The following DOCK3 variants were observed in gnomAD, a reference collection of about 807,000 sequenced individuals.
DOCK3 encodes the protein dedicator of cytokinesis protein 3.
DOCK3 carries 60 observed loss-of-function variants against 265.6 expected under a neutral mutation model. That is an observed-to-expected ratio of 0.23 (90% CI 0.18 to 0.28). The LOEUF is 0.28. Among genes scored for constraint, DOCK3 ranks in the 10% least tolerant of loss-of-function variants. The pLI, the probability that DOCK3 is intolerant of heterozygous loss-of-function variation, is 1.00. For missense variants in DOCK3, 1,981 were observed against 2,594.3 expected (o/e 0.76, Z 5.14); for synonymous variants, 881 against 938.0 (o/e 0.94, Z 1.11).
chr3:50,915,798 T>A (rs1017885675), intron 4 of DOCK3, among the ~76,000 whole-genome samples: 1 of 151,998 alleles, frequency 6.6e-6, no homozygotes, highest in Non-Finnish European at 1.5e-5. Context: ...GCATGACTGC[T>A]CTAGGTGACC....
At chr3:51,256,785 G>A (rs906882056) in intron 22 of DOCK3, among the ~76,000 whole-genome samples, 8 of 151,858 alleles carry the variant, frequency 5.3e-5, no homozygotes, top group African/African-American at 1.9e-4. Context: ...AGTAGAGACG[G>A]GGTTTCACCC....
rs1450642282 is a variant in DOCK3 at position 51,048,364 on chromosome 3, A to C, written c.316-16084A>C. Among the ~76,000 whole-genome samples the C allele has an allele frequency of 6.6e-5, 10 of 152,290 alleles. No individual in the cohort carries two copies. The South Asian group carries it at 1.9e-3, about 28-fold the overall frequency. On this transcript the variant is annotated intron_variant, in intron 5 of 52. Coordinates refer to ENST00000266037, the MANE Select transcript of DOCK3 (RefSeq NM_004947.5). ...CCCTTGCCACTATTCAACATGGTAC[A>C]GGTTGAATATCCCTTAGCTGAAATA...
At chr3:50,718,071 G>A (rs2037239967) in intron 1 of DOCK3, among the ~76,000 whole-genome samples, 1 of 152,114 alleles carries the variant, frequency 6.6e-6, no homozygotes, top group African/African-American at 2.4e-5. Flanking sequence ...GAGGCCATCG[G>A]TACCTTTAAT....
chr3:50,749,954 C>G (rs1309350820), intron 1 of DOCK3, among the ~76,000 whole-genome samples: 1 of 152,182 alleles, frequency 6.6e-6, no homozygotes, highest in Admixed American at 6.5e-5. Context: ...CGCAGGGGCC[C>G]CCAACCCCTG....
chr3:51,184,491 G>C (rs1006110134), intron 12 of DOCK3, among the ~76,000 whole-genome samples: 11 of 151,572 alleles, frequency 7.3e-5, no homozygotes, highest in Non-Finnish European at 1.6e-4. Flanking sequence ...GTATATCAAA[G>C]GAACATTGAA....
chr3:50,817,400 G>T (rs2044148696), intron 2 of DOCK3, among the ~76,000 whole-genome samples: 1 of 151,932 alleles, frequency 6.6e-6, no homozygotes, highest in Non-Finnish European at 1.5e-5. Flanking sequence ...CAAGCCATTT[G>T]TCCTCCTCAG....
At chr3:50,685,263 A>G (rs2034703321) in intron 1 of DOCK3, among the ~76,000 whole-genome samples, 1 of 152,202 alleles carries the variant, frequency 6.6e-6, no homozygotes, top group South Asian at 2.1e-4. Flanking sequence ...GTCCTCCAGG[A>G]CAGTGAGGGT....
At chr3:50,726,491 T>A (rs2037835920) in intron 1 of DOCK3, among the ~76,000 whole-genome samples, 1 of 152,234 alleles carries the variant, frequency 6.6e-6, no homozygotes, top group Admixed American at 6.5e-5. Flanking sequence ...TGACTGATCT[T>A]CCGGCTCTGT....
chr3:51,299,049 A>T (rs1307311136), intron 27 of DOCK3, among the ~76,000 whole-genome samples: 1 of 152,170 alleles, frequency 6.6e-6, no homozygotes, highest in Non-Finnish European at 1.5e-5. Context: ...GTGTAAAAGC[A>T]TTCCCATTTC....
At chr3:50,766,588 T>G (rs1222764978) in intron 1 of DOCK3, among the ~76,000 whole-genome samples, 3 of 152,188 alleles carry the variant, frequency 2.0e-5, no homozygotes, top group Admixed American at 1.3e-4. Context: ...AACATATGTG[T>G]GCATGTGTCT....
At chr3:51,112,583 TG>T (rs770264437) in intron 9 of DOCK3, among the ~76,000 whole-genome samples, 9 of 152,140 alleles carry the variant, frequency 5.9e-5, no homozygotes, top group Non-Finnish European at 1.3e-4. Flanking sequence ...AAAAGAAAGA[TG>T]GCATAGTTTG....
In DOCK3 at chr3:51,040,165, G is replaced by A. The variant is rs9829027; in HGVS notation, c.316-24283G>A. On this transcript the variant is annotated intron_variant, in intron 5 of 52. Coordinates refer to ENST00000266037, the MANE Select transcript of DOCK3 (RefSeq NM_004947.5). ...GTCTCTACCAAATACCAGATTCCAT[G>A]TGTGGTTTATTTCTAGGCTCTTCTT... Among the ~76,000 whole-genome samples the A allele has an allele frequency of 2.8e-3, 415 of 150,736 alleles. 1 individual carries two copies. Among genetic ancestry groups the A allele is most frequent in the African/African-American group, 9.7e-3 (398 of 41,110 alleles).
At chr3:50,844,767 A>G (rs2046001508) in intron 3 of DOCK3, among the ~76,000 whole-genome samples, 1 of 152,154 alleles carries the variant, frequency 6.6e-6, no homozygotes, top group African/African-American at 2.4e-5. Flanking sequence ...ATGATACTTT[A>G]TTGTCTTTTC....
chr3:51,069,240 T>C (rs1476390512), intron 6 of DOCK3, among the ~76,000 whole-genome samples: 1 of 152,188 alleles, frequency 6.6e-6, no homozygotes, highest in Admixed American at 6.5e-5. Flanking sequence ...AATTAACTAG[T>C]CATCATCTTT....
intron 40 of DOCK3, 28 bp from the exon 41 acceptor site, chr3:51,354,854 A>C: frequency 6.2e-7 from 1 of 1,610,170 alleles, no homozygotes; most frequent in Non-Finnish European, 8.5e-7. Context: ...CAAAGCATAC[A>C]TAGAGTGTGC....
chr3:50,943,123 AG>A (rs2076339216), intron 5 of DOCK3, among the ~76,000 whole-genome samples: 1 of 152,126 alleles, frequency 6.6e-6, no homozygotes, highest in East Asian at 1.9e-4. Flanking sequence ...CCCTAGGGGA[AG>A]GTATTTAGCA....
chr3:51,016,685 C>CA (rs1299229472), intron 5 of DOCK3, among the ~76,000 whole-genome samples: 23 of 24,616 alleles, frequency 9.3e-4, no homozygotes, highest in Admixed American at 3.5e-3. Flanking sequence ...ATTTATATAT[C>CA]ATATAATATA....
intron 2 of DOCK3, among the ~76,000 whole-genome samples, chr3:50,811,129 C>T (rs1199691425): frequency 6.6e-6 from 1 of 152,132 alleles, no homozygotes; most frequent in East Asian, 1.9e-4. Flanking sequence ...TATGGTGGCT[C>T]ATGCTTGTAA....
chr3:51,296,339 A>G (rs2082076693), intron 27 of DOCK3, among the ~76,000 whole-genome samples: 1 of 152,206 alleles, frequency 6.6e-6, no homozygotes, highest in African/African-American at 2.4e-5. Context: ...ACCTGGAAAA[A>G]GAACAAAATT....
Sources: allele counts gnomAD v4.1 joint callset (sites outside exome capture counted in the v4.1 genomes callset), GRCh38; gene constraint gnomAD v4.1.1; transcripts MANE v1.5; gene names NCBI Gene and HGNC (gene_info 2026-07-23, HGNC 2026-07-21).